ADCY3: variants seen among roughly 807,000 people sequenced by gnomAD.
ADCY3 encodes adenylate cyclase 3.
A neutral mutation model predicts 119.4 loss-of-function variants in ADCY3; 70 were observed. That is an observed-to-expected ratio of 0.59 (90% CI 0.48 to 0.72). ADCY3 has a LOEUF of 0.72. Ranked by LOEUF, ADCY3 falls within the 30% of genes least tolerant of loss-of-function variation. The probability of loss-of-function intolerance (pLI) is 0.00; values close to 1 mark genes in which losing one functional copy is unlikely to be tolerated. For missense variants in ADCY3, 1,238 were observed against 1,541.6 expected, an observed-to-expected ratio of 0.80 and a Z score of 3.30; for synonymous variants, 672 against 621.4, an observed-to-expected ratio of 1.08 and a Z score of -1.21.
At chr2:24,869,000 A>G (rs11683929) in intron 3 of ADCY3, among the ~76,000 whole-genome samples, 70,137 of 151,968 alleles carry the variant, frequency 0.46, 17,041 homozygotes, top group African/African-American at 0.61. Context: ...CTCCAGCCTA[A>G]GTGACAGAGC....
At chr2:24,901,701 T>C (rs990072862) in intron 2 of ADCY3, among the ~76,000 whole-genome samples, 2 of 149,272 alleles carry the variant, frequency 1.3e-5, no homozygotes, top group Non-Finnish European at 3.0e-5. Context: ...TCCTAGCTAC[T>C]CAGGAGGTCA....
At chr2:24,847,876 G>T (rs1671829403) in intron 3 of ADCY3, among the ~76,000 whole-genome samples, 1 of 152,226 alleles carries the variant, frequency 6.6e-6, no homozygotes, top group African/African-American at 2.4e-5. Context: ...GCAGGTGGGA[G>T]GCAGCACCCA....
intron 9 of ADCY3, among the ~76,000 whole-genome samples, chr2:24,835,678 G>A (rs1670211620): frequency 6.6e-6 from 1 of 152,174 alleles, no homozygotes. Flanking sequence ...ACTCACGCCT[G>A]TCATCCCAGC....
Position 24,919,171 on chromosome 2 carries a change from C to A in ADCY3, c.-184G>T. ...GCGGGTTTCCAGAGCACAGGTAGCA[C>A]TGATCAGCTAGAACTGAAAAGGGCA... On this transcript the variant is annotated 5_prime_UTR_variant, in exon 2 of 22. Coordinates refer to ENST00000679454, the MANE Select transcript of ADCY3 (RefSeq NM_004036.5). This position sits in a 1 kb window ranked among gnomAD's most constrained non-coding sequence, Gnocchi z 5.5. 1.6e-6 allele frequency: 1 copy of A among 617,098 alleles called. No homozygotes were observed. Among genetic ancestry groups the A allele is most frequent in the Non-Finnish European group, 2.8e-6 (1 of 353,726 alleles). 38.2% of individuals were successfully genotyped at this position (617,098 alleles called of 1,614,324 possible). A position where few individuals can be genotyped will look rare whatever the true frequency, so the allele number is the denominator to read the frequency against.
intron 9 of ADCY3, among the ~76,000 whole-genome samples, chr2:24,835,434 G>C (rs1375159989): frequency 2.0e-5 from 3 of 152,216 alleles, no homozygotes; most frequent in Non-Finnish European, 4.4e-5. Context: ...GGAGAGAGAA[G>C]AATGTCCTCA....
At chr2:24,856,427 C>T (rs1249203751) in intron 3 of ADCY3, among the ~76,000 whole-genome samples, 3 of 152,162 alleles carry the variant, frequency 2.0e-5, no homozygotes, top group Non-Finnish European at 4.4e-5. Context: ...GTCTTGGTCC[C>T]GATTAATCCA....
In ADCY3 at chr2:24,918,403, C is replaced by G; in HGVS notation, c.585G>C (p.Val195=). The G allele has an allele frequency of 6.2e-7, 1 of 1,613,838 alleles. No homozygotes were observed. The highest frequency in any genetic ancestry group is 8.5e-7 in the Non-Finnish European group (1 of 1,180,002). ...CCAACGTGTGCACCACACAGGAGAC[C>G]ACGGAGATGATCACGATGGGGCTGA... ...LSLSPIVIIS[V]VSCVVHTLVL... The change falls in exon 2 of 22, where the codon GTG becomes GTC. Residue 195 remains valine, a synonymous_variant. Transcript: ENST00000679454. The surrounding 1 kb of genome is among the most constrained non-coding windows in gnomAD (Gnocchi z 5.4).
At chr2:24,857,543 A>G (rs1249838790) in intron 3 of ADCY3, among the ~76,000 whole-genome samples, 2 of 152,244 alleles carry the variant, frequency 1.3e-5, no homozygotes, top group East Asian at 3.8e-4. Context: ...AACATTTTCT[A>G]ATTAATTAAG....
At chr2:24,831,953 G>A (rs1669607867) in intron 11 of ADCY3, among the ~76,000 whole-genome samples, 2 of 116,368 alleles carry the variant, frequency 1.7e-5, no homozygotes, top group Non-Finnish European at 3.7e-5. Flanking sequence ...CAGCAGACAG[G>A]GGCAGGGGCC....
intron 2 of ADCY3, chr2:24,877,851 T>C (rs1246412397): frequency 4.3e-6 from 2 of 470,366 alleles, no homozygotes; most frequent in Non-Finnish European, 8.8e-6. Flanking sequence ...GCCTTACTTC[T>C]GGGCCCAAGG....
At chr2:24,875,644 A>G (rs956889813) in intron 2 of ADCY3, among the ~76,000 whole-genome samples, 1 of 152,130 alleles carries the variant, frequency 6.6e-6, no homozygotes, top group Non-Finnish European at 1.5e-5. Flanking sequence ...CCCAGGCAAC[A>G]CTGACGTGCA....
In ADCY3 at chr2:24,872,619, C is replaced by T. The variant is rs752799012; in HGVS notation, c.776G>A (p.Arg259His). Residue 259 changes from arginine to histidine, a missense_variant, in exon 3 of 22, where the codon CGC becomes CAC. This residue lies in a region of ADCY3 where 283 missense variants were observed against 437.2 expected (regional missense o/e 0.65). Transcript: ENST00000679454. This position sits in a 1 kb window ranked among gnomAD's most constrained non-coding sequence, Gnocchi z 4.4. ...RKHRKAFLEA[R>H]QSLEVKMNLE... ...GTTCATCTTCACCTCCAGCGACTGG[C>T]GGGCCTCCAGGAAGGCCTTGCGGTG... The T allele has an allele frequency of 6.8e-6, 11 of 1,614,200 alleles. No homozygotes were observed. The highest frequency in any genetic ancestry group is 4.4e-5 in the South Asian group (4 of 91,082).
chr2:24,824,356 G>A (rs201869480), intron 17 of ADCY3, 22 bp downstream of exon 17: 208 of 1,611,656 alleles, frequency 1.3e-4, no homozygotes, highest in East Asian at 6.2e-4. Flanking sequence ...TCATGGTTCC[G>A]GGCTGAGACC....
chr2:24,909,986 T>C (rs13428763), intron 2 of ADCY3, among the ~76,000 whole-genome samples: 1 of 152,024 alleles, frequency 6.6e-6, no homozygotes, highest in Non-Finnish European at 1.5e-5. Context: ...GAAGCCCAAG[T>C]TAGCCACATG....
intron 2 of ADCY3, among the ~76,000 whole-genome samples, chr2:24,888,958 G>A (rs1249308395): frequency 2.6e-5 from 4 of 152,176 alleles, no homozygotes; most frequent in Non-Finnish European, 5.9e-5. Context: ...GCAGTGAGCT[G>A]AGGTCACACC....
intron 2 of ADCY3, among the ~76,000 whole-genome samples, chr2:24,909,284 C>A (rs766015114): frequency 1.3e-4 from 20 of 152,152 alleles, no homozygotes; most frequent in Admixed American, 6.5e-4. Context: ...CCCCTAAATG[C>A]AAACCCAATC....
chr2:24,875,360 AC>A (rs1228180853), intron 2 of ADCY3, among the ~76,000 whole-genome samples: 1 of 150,090 alleles, frequency 6.7e-6, no homozygotes, highest in African/African-American at 2.5e-5. Context: ...CCCCCACCCC[AC>A]CCCCCGTGGG....
chr2:24,841,120 C>T lies in ADCY3; in HGVS notation c.1196+139G>A, dbSNP rs544514374. The T allele has an allele frequency of 2.9e-6, 3 of 1,020,404 alleles. No homozygotes were observed. In the South Asian group the frequency reaches 5.5e-5, roughly 19 times the overall value. The allele number at this position is 1,020,404 out of a possible 1,614,324, so 63.2% of individuals were successfully genotyped here. A position where few individuals can be genotyped will look rare whatever the true frequency, so the allele number is the denominator to read the frequency against. On this transcript the variant is annotated intron_variant, in intron 6 of 21. Coordinates refer to ENST00000679454, the MANE Select transcript of ADCY3 (RefSeq NM_004036.5). The surrounding 1 kb of genome is among the most constrained non-coding windows in gnomAD (Gnocchi z 5.8). ...AGCGGGAGCCTGCGCCACCCATCAA[C>T]CAGTGCTGTGTCCCAGTCTCTGCTT... is the stretch of plus-strand genomic sequence containing the variant.
intron 2 of ADCY3, among the ~76,000 whole-genome samples, chr2:24,909,829 TACAC>T (rs943605494): frequency 1.3e-5 from 2 of 152,186 alleles, no homozygotes; most frequent in African/African-American, 4.8e-5. Flanking sequence ...TTCCCTCCCT[TACAC>T]ACGCTACTCA....
Sources: gnomAD v4.1 joint callset for allele counts (sites outside exome capture counted in the v4.1 genomes callset) on GRCh38, gnomAD v4.1.1 for gene constraint, gnomAD v4.1.1 regional missense constraint, Gnocchi (gnomAD v3.1) non-coding constraint, MANE v1.5 for transcripts, NCBI Gene and HGNC (gene_info 2026-07-23, HGNC 2026-07-21) for gene names.